The following PRR16 variants were observed in gnomAD, a reference collection of about 807,000 sequenced individuals.
PRR16 encodes protein Largen.
In PRR16, 6 loss-of-function variants were observed where a neutral mutation model predicts 18.2. The observed-to-expected ratio is 0.33, with a 90% CI of 0.18 to 0.65. PRR16 has a LOEUF of 0.65. Among genes scored for constraint, PRR16 ranks in the 30% least tolerant of loss-of-function variants. The pLI is 0.74. For missense variants in PRR16, 412 were observed against 376.6 expected (o/e 1.09, Z -0.78); for synonymous variants, 151 against 147.8 (o/e 1.02, Z -0.16).
chr5:120,579,773 G>A (rs558862163), intron 1 of PRR16, among the ~76,000 whole-genome samples: 14 of 152,204 alleles, frequency 9.2e-5, no homozygotes, highest in Admixed American at 7.2e-4. Context: ...CTAATTCTGT[G>A]AAGAATGTCA....
intron 1 of PRR16, among the ~76,000 whole-genome samples, chr5:120,599,512 A>T (rs1332242575): frequency 6.6e-6 from 1 of 151,864 alleles, no homozygotes; most frequent in East Asian, 1.9e-4. Context: ...CTCTCCTCTG[A>T]GACAGTTTGT....
intron 1 of PRR16, among the ~76,000 whole-genome samples, chr5:120,471,778 A>G (rs536330640): frequency 6.6e-6 from 1 of 152,256 alleles, no homozygotes; most frequent in South Asian, 2.1e-4. Flanking sequence ...TGGGAACCCA[A>G]AGTCAGCAGA....
intron 1 of PRR16, among the ~76,000 whole-genome samples, chr5:120,591,558 A>G (rs1580762217): frequency 6.6e-6 from 1 of 151,956 alleles, no homozygotes; most frequent in African/African-American, 2.4e-5. Context: ...GTAAAATACA[A>G]AATAGATTTT....
intron 1 of PRR16, among the ~76,000 whole-genome samples, chr5:120,576,467 A>T (rs1753081946): frequency 6.6e-6 from 1 of 152,212 alleles, no homozygotes; most frequent in Non-Finnish European, 1.5e-5. Flanking sequence ...ACAATGAGAC[A>T]TTACTTCATT....
At chr5:120,794,543 A>G in the PRR16 span, among the ~76,000 whole-genome samples, 1 of 152,148 alleles carries the variant, frequency 6.6e-6, no homozygotes, top group Admixed American at 6.6e-5. Flanking sequence ...TGACGCCCAT[A>G]TAAGATGGCG....
chr5:120,704,069 A>G, the PRR16 span, among the ~76,000 whole-genome samples: 1 of 152,224 alleles, frequency 6.6e-6, no homozygotes, highest in Non-Finnish European at 1.5e-5. Flanking sequence ...TCAAAATTCA[A>G]ACACAGAAGT....
At chr5:120,743,883 G>A in the PRR16 span, among the ~76,000 whole-genome samples, 5 of 151,680 alleles carry the variant, frequency 3.3e-5, no homozygotes, top group East Asian at 2.0e-4. Context: ...TTTCCTATTT[G>A]TTAGTGAATC....
chr5:120,691,036 ATTC>A (rs1757203135), downstream of PRR16, among the ~76,000 whole-genome samples: 1 of 152,188 alleles, frequency 6.6e-6, no homozygotes, highest in Non-Finnish European at 1.5e-5. Flanking sequence ...AGGTATATAT[ATTC>A]TTTCTCAAAG....
At chr5:120,514,193 A>C (rs1750916690) in intron 1 of PRR16, among the ~76,000 whole-genome samples, 1 of 152,132 alleles carries the variant, frequency 6.6e-6, no homozygotes, top group Non-Finnish European at 1.5e-5. Context: ...TGATTTACTG[A>C]TTCTCTATGC....
At chr5:120,658,934 C>G (rs1551017) in intron 1 of PRR16, among the ~76,000 whole-genome samples, 48,195 of 151,622 alleles carry the variant, frequency 0.32, 8,072 homozygotes, top group Middle Eastern at 0.44. Context: ...CCTCCCCAGT[C>G]CTTGCCAACT....
At chr5:120,565,684 A>T (rs186317081) in intron 1 of PRR16, among the ~76,000 whole-genome samples, 2 of 152,316 alleles carry the variant, frequency 1.3e-5, no homozygotes, top group Admixed American at 1.3e-4. Flanking sequence ...CTACTAAAAG[A>T]CTTATAGGAT....
At chr5:120,554,680 G>A (rs184077349) in intron 1 of PRR16, among the ~76,000 whole-genome samples, 124 of 151,968 alleles carry the variant, frequency 8.2e-4, no homozygotes, top group African/African-American at 2.8e-3. Flanking sequence ...AGTATTTCAT[G>A]TAAGTCTCAC....
At chr5:120,755,242 C>G in the PRR16 span, among the ~76,000 whole-genome samples, 1 of 151,584 alleles carries the variant, frequency 6.6e-6, no homozygotes, top group Non-Finnish European at 1.5e-5. Flanking sequence ...ATAATTTCAA[C>G]TTTTATTTTA....
chr5:120,601,449 G>A (rs1580773831), intron 1 of PRR16, among the ~76,000 whole-genome samples: 1 of 151,962 alleles, frequency 6.6e-6, no homozygotes, highest in East Asian at 1.9e-4. Context: ...GAAATTTCTT[G>A]TAGATGTTGA....
intron 1 of PRR16, among the ~76,000 whole-genome samples, chr5:120,662,184 G>A (rs78583923): frequency 0.037 from 5,584 of 152,118 alleles, 146 homozygotes; most frequent in Non-Finnish European, 0.053. Context: ...AAGGTGACAG[G>A]ATAGAATATG....
At chr5:120,477,964 G>A (rs1368875072) in intron 1 of PRR16, among the ~76,000 whole-genome samples, 1 of 152,114 alleles carries the variant, frequency 6.6e-6, no homozygotes, top group East Asian at 1.9e-4. Flanking sequence ...AGCATTTCCT[G>A]TTCTTCTTTC....
At chr5:120,618,766 A>G (rs1014492055) in intron 1 of PRR16, among the ~76,000 whole-genome samples, 4 of 150,852 alleles carry the variant, frequency 2.7e-5, no homozygotes, top group African/African-American at 9.7e-5. Context: ...TTTTTTTTTA[A>G]TCAATTATGT....
intron 1 of PRR16, among the ~76,000 whole-genome samples, chr5:120,496,430 G>A (rs1440111484): frequency 6.6e-6 from 1 of 151,942 alleles, no homozygotes; most frequent in Non-Finnish European, 1.5e-5. Context: ...TGGATATGGT[G>A]AGGTAGTTTA....
chr5:120,609,257 C>T (rs1754257123), intron 1 of PRR16, among the ~76,000 whole-genome samples: 1 of 152,044 alleles, frequency 6.6e-6, no homozygotes, highest in African/African-American at 2.4e-5. Flanking sequence ...CATTCAGTGG[C>T]ATCATTTACA....
Sources: allele counts gnomAD v4.1 joint callset (sites outside exome capture counted in the v4.1 genomes callset), GRCh38; gene constraint gnomAD v4.1.1; transcripts MANE v1.5; gene names NCBI Gene and HGNC (gene_info 2026-07-23, HGNC 2026-07-21).